The following TCP1 variants were observed in gnomAD, a reference collection of about 807,000 sequenced individuals.
The protein encoded by TCP1 is t-complex 1.
A neutral mutation model predicts 54.7 loss-of-function variants in TCP1; 6 were observed. The observed-to-expected ratio is 0.11, with a 90% CI of 0.06 to 0.22. The LOEUF (loss-of-function observed/expected upper bound fraction) is 0.22. Among genes scored for constraint, TCP1 ranks in the 10% least tolerant of loss-of-function variants. TCP1 has a pLI of 1.00. For synonymous variants in TCP1, 225 were observed against 229.7 expected (o/e 0.98, Z 0.19); for missense variants, 511 against 678.2 (o/e 0.75, Z 2.74).
chr6:159,789,525 G>A lies in TCP1; in HGVS notation c.-57C>T, dbSNP rs939990204. 7 of 1,603,508 alleles carry A rather than the reference G, an allele frequency of 4.4e-6. No homozygotes were observed. Among genetic ancestry groups the A allele is most frequent in the Non-Finnish European group, 5.1e-6 (6 of 1,172,858 alleles). On this transcript the variant is annotated 5_prime_UTR_variant, in exon 1 of 12. Transcript: ENST00000321394. ...TTACACCGCGGGCAACCAGTATCGC[G>A]GCCCCTCGGCCGACCGGCGACCACA...
At chr6:159,782,686 G>A (rs551579047) in intron 7 of TCP1, among the ~76,000 whole-genome samples, 1 of 152,300 alleles carries the variant, frequency 6.6e-6, no homozygotes, top group South Asian at 2.1e-4. Flanking sequence ...TTCACTTTGA[G>A]ATGCTTGAAA....
Position 159,784,685 on chromosome 6 carries a change from G to A in TCP1, c.651C>T (p.Asn217=). Residue 217 remains asparagine, a synonymous_variant, in exon 6 of 12, where the codon AAC becomes AAT. Transcript: ENST00000321394. ...ESMLISGYAL[N]CVVGSQGMPK... The stretch of plus-strand genomic sequence containing the variant: ...CCTTACCCTGGGATCCCACCACACA[G>A]TTGAGTGCATAGCCACTGATGAGCA... The A allele has an allele frequency of 6.2e-7, 1 of 1,613,988 alleles. No individual in the cohort carries two copies. The highest frequency in any genetic ancestry group is 8.5e-7 in the Non-Finnish European group (1 of 1,179,932).
rs1189966778 is a variant in TCP1 at position 159,780,552 on chromosome 6, T to G, written c.988A>C (p.Thr330Pro). 1 of 1,612,568 alleles carries G rather than the reference T, an allele frequency of 6.2e-7. No homozygotes were observed. The highest frequency in any genetic ancestry group is 8.5e-7 in the Non-Finnish European group (1 of 1,179,600). The stretch of plus-strand genomic sequence containing the variant: ...TCTTCACCTTCCAAATTGGCCAGGG[T>G]TGACAGAATAGTTGCTAATAAGAGA... ...AKASGATILSTLANLEGEETF... is the reference protein window; with the variant it reads ...AKASGATILSPLANLEGEETF... Residue 330 changes from threonine to proline, a missense_variant, in exon 9 of 12, where the codon ACC becomes CCC. This residue lies in a region of TCP1 where 305 missense variants were observed against 352.8 expected (regional missense o/e 0.86). Transcript: ENST00000321394.
chr6:159,786,951 TA>T (rs1163409870), intron 3 of TCP1, among the ~76,000 whole-genome samples: 1 of 151,932 alleles, frequency 6.6e-6, no homozygotes, highest in Non-Finnish European at 1.5e-5. Context: ...TGTCAGGATT[TA>T]AAAAATAGAA....
Position 159,780,484 on chromosome 6 carries a change from TACC to T in TCP1, c.1053_1055del (p.Val352del). ...GCTCATCATCACAAATTCTCTCCTG[TACC>T]ACTTCTTCTGCCTGTCCCAACATTG... On this transcript the variant is annotated inframe_deletion, in exon 9 of 12. Transcript: ENST00000321394. The T allele has an allele frequency of 1.2e-6, 2 of 1,614,100 alleles. No homozygotes were observed. The highest frequency in any genetic ancestry group is 1.1e-5 in the South Asian group (1 of 91,072).
At chr6:159,789,269 G>A (rs1780787938) in intron 1 of TCP1, 136 bp downstream of exon 1, 2 of 959,868 alleles carry the variant, frequency 2.1e-6, no homozygotes, top group Non-Finnish European at 1.5e-6. Flanking sequence ...ACGGCGGGTG[G>A]GCTGGGTCCG....
chr6:159,783,794 T>A (rs1486395985), intron 7 of TCP1, 147 bp downstream of exon 7: 6 of 1,065,028 alleles, frequency 5.6e-6, no homozygotes, highest in African/African-American at 4.8e-5. Flanking sequence ...AAAGGCCGAT[T>A]TTCATATAGG....
At chr6:159,784,344 G>T (rs1780645190) in intron 6 of TCP1, among the ~76,000 whole-genome samples, 1 of 148,588 alleles carries the variant, frequency 6.7e-6, no homozygotes, top group South Asian at 2.1e-4. Context: ...TCACTCTGTA[G>T]CCCAGGCTGG....
intron 7 of TCP1, among the ~76,000 whole-genome samples, chr6:159,783,377 C>G (rs989499933): frequency 2.6e-5 from 2 of 78,368 alleles, no homozygotes; most frequent in Non-Finnish European, 5.2e-5. Flanking sequence ...ACTGTTTAAA[C>G]TATTTTTTTT....
chr6:159,779,120 T>C lies in TCP1; in HGVS notation c.1596A>G (p.Lys532=), dbSNP rs776723268. Residue 532 remains lysine, a synonymous_variant, in exon 12 of 12, where the codon AAA becomes AAG. Coordinates refer to ENST00000321394, the MANE Select transcript of TCP1 (RefSeq NM_030752.3). ...ITILRIDDLI[K]LHPESKDDKH... ...TATCATCTTTACTTTCTGGATGTAATTTAATAAGATCATCAATTCGAAGAA... is the reference window on the plus strand; with the variant it reads ...TATCATCTTTACTTTCTGGATGTAACTTAATAAGATCATCAATTCGAAGAA... 1 of 1,614,066 alleles carries C rather than the reference T, an allele frequency of 6.2e-7. No individual in the cohort carries two copies. Among genetic ancestry groups the C allele is most frequent in the Non-Finnish European group, 8.5e-7 (1 of 1,179,952 alleles).
intron 2 of TCP1, 93 bp downstream of exon 2, chr6:159,787,965 C>G: frequency 1.2e-6 from 2 of 1,603,758 alleles, no homozygotes; most frequent in South Asian, 2.2e-5. Flanking sequence ...CCTTCCAGTA[C>G]GTGGATTCTG....
intron 1 of TCP1, 143 bp from the exon 2 acceptor site, chr6:159,788,286 C>G: frequency 1.4e-6 from 1 of 738,154 alleles, no homozygotes; most frequent in Non-Finnish European, 2.2e-6. Flanking sequence ...ATTTAAAAAC[C>G]ACCTACTAAG....
In TCP1 at chr6:159,788,237, A is replaced by G. The variant is rs1030025248; in HGVS notation, c.65-94T>C. The G allele has an allele frequency of 4.3e-6, 5 of 1,158,030 alleles. No individual in the cohort carries two copies. The African/African-American group carries it at 7.7e-5, about 18-fold the overall frequency. The allele number at this position is 1,158,030 out of a possible 1,614,324, so 71.7% of individuals were successfully genotyped here. ...AGCCTAAAGGTAAATGACATCCAAC[A>G]GCCCCCGTATTTCCCAAATCTACAA... is the stretch of plus-strand genomic sequence containing the variant. On this transcript the variant is annotated intron_variant, in intron 1 of 11. Transcript: ENST00000321394.
At chr6:159,785,871 A>C in intron 4 of TCP1, 29 bp downstream of exon 4, 1 of 1,587,332 alleles carries the variant, frequency 6.3e-7, no homozygotes, top group Non-Finnish European at 8.6e-7. Flanking sequence ...TACATCAAAA[A>C]AAATTTCTCT....
rs758960009 is a variant in TCP1, at chr6:159,788,038, C to T, written c.150+20G>A. ...TAGTTTTACTTTAAGGAAACTAACA[C>T]AACAGTTATGTGTACTTACACCAAT... On this transcript the variant is annotated intron_variant, in intron 2 of 11. Transcript: ENST00000321394. 6.2e-7 allele frequency: 1 copy of T among 1,612,976 alleles called. No individual in the cohort carries two copies. Among genetic ancestry groups the T allele is most frequent in the African/African-American group, 1.3e-5 (1 of 74,892 alleles).
rs1254021348 is a variant in TCP1, at chr6:159,789,509, G to A, written c.-41C>T. ...ACACGTCGAATTCTGCTTACACCGC[G>A]GGCAACCAGTATCGCGGCCCCTCGG... On this transcript the variant is annotated 5_prime_UTR_variant, in exon 1 of 12. Transcript: ENST00000321394. 9 of 1,612,692 alleles carry A rather than the reference G, an allele frequency of 5.6e-6. No homozygotes were observed. Among genetic ancestry groups the A allele is most frequent in the South Asian group, 1.1e-5 (1 of 91,026 alleles).
chr6:159,780,692 G>GT, intron 8 of TCP1, 126 bp from the exon 9 acceptor site: 1 of 1,317,228 alleles, frequency 7.6e-7, no homozygotes, highest in Non-Finnish European at 1.0e-6. Context: ...GCAGCACACG[G>GT]TAACTCCTTT....
chr6:159,783,568 C>CT (rs1192203020), intron 7 of TCP1, among the ~76,000 whole-genome samples: 1 of 151,880 alleles, frequency 6.6e-6, no homozygotes, highest in Non-Finnish European at 1.5e-5. Context: ...TTTTAAGTGA[C>CT]TGTCAGGCAG....
At chr6:159,787,626 G>T in intron 3 of TCP1, 117 bp downstream of exon 3, 3 of 1,269,446 alleles carry the variant, frequency 2.4e-6, no homozygotes, top group South Asian at 3.1e-5. Context: ...CAATCTTCTG[G>T]GCATTCAGAA....
Sources: gnomAD v4.1 joint callset for allele counts (sites outside exome capture counted in the v4.1 genomes callset) on GRCh38, gnomAD v4.1.1 for gene constraint, gnomAD v4.1.1 regional missense constraint, MANE v1.5 for transcripts, NCBI Gene and HGNC (gene_info 2026-07-23, HGNC 2026-07-21) for gene names.